PRR16: variants seen among roughly 807,000 people sequenced by gnomAD.
The protein encoded by PRR16 is proline rich 16.
Under a neutral mutation model 18.2 loss-of-function variants are expected in PRR16, and 6 were observed. The ratio of observed to expected loss-of-function variants is 0.33; its 90% CI spans 0.18 to 0.65. PRR16 has a LOEUF of 0.65. PRR16 is among the 30% of genes least tolerant of loss of function. The pLI is 0.74. For synonymous variants in PRR16, 151 were observed against 147.8 expected, an observed-to-expected ratio of 1.02 and a Z score of -0.16; for missense variants, 412 against 376.6, an observed-to-expected ratio of 1.09 and a Z score of -0.78.
chr5:120,601,331 C>T (rs1753976079), intron 1 of PRR16, among the ~76,000 whole-genome samples: 1 of 151,758 alleles, frequency 6.6e-6, no homozygotes. Flanking sequence ...ATCAGTGATA[C>T]TGAACTTTTT....
At chr5:120,666,253 T>A (rs1756372839) in intron 1 of PRR16, among the ~76,000 whole-genome samples, 1 of 152,242 alleles carries the variant, frequency 6.6e-6, no homozygotes, top group South Asian at 2.1e-4. Context: ...GATTTGGCTC[T>A]CTGTTTGCCT....
At chr5:120,642,663 A>G (rs62377785) in intron 1 of PRR16, among the ~76,000 whole-genome samples, 1 of 151,842 alleles carries the variant, frequency 6.6e-6, no homozygotes, top group Non-Finnish European at 1.5e-5. Flanking sequence ...TTATCATACC[A>G]CTTTCTGAAC....
chr5:120,730,046 C>T, the PRR16 span, among the ~76,000 whole-genome samples: 14 of 152,172 alleles, frequency 9.2e-5, no homozygotes, highest in South Asian at 1.0e-3. Flanking sequence ...CAGTATGAGA[C>T]GTCAACCAGA....
intron 1 of PRR16, among the ~76,000 whole-genome samples, chr5:120,595,190 G>C (rs1315657100): frequency 6.6e-6 from 1 of 151,612 alleles, no homozygotes; most frequent in Non-Finnish European, 1.5e-5. Flanking sequence ...CTATAAAATG[G>C]AAGAAAGATT....
chr5:120,766,462 C>T, the PRR16 span, among the ~76,000 whole-genome samples: 636 of 151,908 alleles, frequency 4.2e-3, 5 homozygotes, highest in African/African-American at 0.014. Flanking sequence ...CATTGATGCA[C>T]ATAGTTTTGA....
intron 1 of PRR16, among the ~76,000 whole-genome samples, chr5:120,526,768 C>G (rs1751368185): frequency 6.6e-6 from 1 of 152,112 alleles, no homozygotes; most frequent in Non-Finnish European, 1.5e-5. Flanking sequence ...TGTTTCCCAG[C>G]ATTCTGAGAC....
At chr5:120,564,988 GAAA>G (rs34900155) in intron 1 of PRR16, among the ~76,000 whole-genome samples, 133 of 91,890 alleles carry the variant, frequency 1.4e-3, no homozygotes, top group African/African-American at 4.8e-3. Flanking sequence ...TCTGTTTCCA[GAAA>G]AAAAAAAAAA....
chr5:120,467,166 T>C (rs931414738), intron 1 of PRR16, among the ~76,000 whole-genome samples: 1 of 152,190 alleles, frequency 6.6e-6, no homozygotes, highest in Non-Finnish European at 1.5e-5. Flanking sequence ...TTGGTTGCTG[T>C]ACATGAATGT....
chr5:120,792,387 A>G, the PRR16 span, among the ~76,000 whole-genome samples: 9 of 152,188 alleles, frequency 5.9e-5, no homozygotes, highest in South Asian at 1.9e-3. Flanking sequence ...TTTTGATTAT[A>G]TTTACTTTCT....
intron 1 of PRR16, among the ~76,000 whole-genome samples, chr5:120,464,863 T>G (rs1381129580): frequency 1.3e-5 from 2 of 152,116 alleles, no homozygotes; most frequent in Admixed American, 6.5e-5. Flanking sequence ...ACTAGTGTTT[T>G]AATCGATGGA....
At chr5:120,639,854 G>A (rs1319349855) in intron 1 of PRR16, among the ~76,000 whole-genome samples, 1 of 151,574 alleles carries the variant, frequency 6.6e-6, no homozygotes, top group Non-Finnish European at 1.5e-5. Context: ...GTTTAACACA[G>A]CATTGTTCAT....
At chr5:120,749,774 G>A in the PRR16 span, among the ~76,000 whole-genome samples, 3 of 152,136 alleles carry the variant, frequency 2.0e-5, no homozygotes, top group Admixed American at 6.5e-5. Context: ...TTTACAGAAA[G>A]GAATATGCAC....
At chr5:120,730,499 G>A in the PRR16 span, among the ~76,000 whole-genome samples, 1 of 152,128 alleles carries the variant, frequency 6.6e-6, no homozygotes, top group Non-Finnish European at 1.5e-5. Flanking sequence ...CAAATTATAA[G>A]AGTTGATAAA....
At chr5:120,616,384 C>T (rs1754511921) in intron 1 of PRR16, among the ~76,000 whole-genome samples, 1 of 152,156 alleles carries the variant, frequency 6.6e-6, no homozygotes, top group South Asian at 2.1e-4. Flanking sequence ...AACTTAGAAT[C>T]CTTATAGTAT....
chr5:120,722,796 A>C, the PRR16 span, among the ~76,000 whole-genome samples: 8 of 151,484 alleles, frequency 5.3e-5, no homozygotes, highest in Non-Finnish European at 1.0e-4. Context: ...TTCTTTCTCT[A>C]AGCTTTTGTT....
chr5:120,627,766 A>G (rs745632330), intron 1 of PRR16, among the ~76,000 whole-genome samples: 1 of 152,060 alleles, frequency 6.6e-6, no homozygotes, highest in Non-Finnish European at 1.5e-5. Context: ...TCTTCCCCCA[A>G]AATATTCTGA....
intron 1 of PRR16, among the ~76,000 whole-genome samples, chr5:120,569,380 C>T (rs1752834573): frequency 1.3e-5 from 2 of 152,072 alleles, no homozygotes. Context: ...TTAGTTTTTG[C>T]AGTGATGGGG....
the PRR16 span, among the ~76,000 whole-genome samples, chr5:120,699,633 G>A: frequency 6.6e-6 from 1 of 152,184 alleles, no homozygotes; most frequent in Admixed American, 6.6e-5. Context: ...CATAGTTTGT[G>A]ACTTTGAGGG....
intron 1 of PRR16, among the ~76,000 whole-genome samples, chr5:120,582,369 G>A (rs1213841702): frequency 6.6e-6 from 1 of 152,046 alleles, no homozygotes; most frequent in Admixed American, 6.6e-5. Context: ...ATATTTGGGT[G>A]AAAGGTACAC....
Sources: gnomAD v4.1 joint callset for allele counts (sites outside exome capture counted in the v4.1 genomes callset) on GRCh38, gnomAD v4.1.1 for gene constraint, MANE v1.5 for transcripts, NCBI Gene and HGNC (gene_info 2026-07-23, HGNC 2026-07-21) for gene names.